LAMC2: variants seen among roughly 807,000 people sequenced by gnomAD.
LAMC2 encodes the protein laminin subunit gamma-2.
In LAMC2, 97 loss-of-function variants were observed where a neutral mutation model predicts 140.2. The ratio of observed to expected loss-of-function variants is 0.69; its 90% CI spans 0.59 to 0.82. The LOEUF (loss-of-function observed/expected upper bound fraction) is 0.82. LAMC2 is among the 40% of genes least tolerant of loss of function. LAMC2 has a pLI of 0.00. For missense variants in LAMC2, 1,402 were observed against 1,476.1 expected, an observed-to-expected ratio of 0.95 and a Z score of 0.82; for synonymous variants, 513 against 540.2, an observed-to-expected ratio of 0.95 and a Z score of 0.70.
intron 2 of LAMC2, among the ~76,000 whole-genome samples, chr1:183,209,675 G>T (rs1227031046): frequency 2.0e-5 from 3 of 152,228 alleles, no homozygotes; most frequent in East Asian, 1.9e-4. Flanking sequence ...AGTCACCAGA[G>T]TTGGGTCATC....
chr1:183,198,334 A>G (rs942104638), intron 1 of LAMC2, among the ~76,000 whole-genome samples: 11 of 151,924 alleles, frequency 7.2e-5, no homozygotes, highest in Admixed American at 3.3e-4. Context: ...TAGTAGAGAC[A>G]GGGTTTCACC....
Position 183,243,292 on chromosome 1 carries a change from G to T in LAMC2, c.3474G>T (p.Leu1158Phe). 6.2e-7 allele frequency: 1 copy of T among 1,614,210 alleles called. No homozygotes were observed. The highest frequency in any genetic ancestry group is 8.5e-7 in the Non-Finnish European group (1 of 1,180,042). Residue 1158 changes from leucine to phenylalanine, a missense_variant, in exon 23 of 23, where the codon TTG becomes TTT. Physicochemically the swap from Leu to Phe is conservative, Grantham distance 22 (BLOSUM62 0). Transcript: ENST00000264144. ...GTCAGCAGAGGGGCCACCTCCATTT[G>T]CTGGAGACAAGCATAGATGGGATTC... ...RARQQRGHLH[L>F]LETSIDGILA... is the part of the protein sequence containing the mutation.
chr1:183,243,803 C>T lies in LAMC2; in HGVS notation c.*403C>T. On this transcript the variant is annotated 3_prime_UTR_variant, in exon 23 of 23. Coordinates refer to ENST00000264144, the MANE Select transcript of LAMC2 (RefSeq NM_005562.3). The stretch of plus-strand genomic sequence containing the variant: ...ACTAAAGGAAAAAACTTTGACTTTG[C>T]CCAGGCATGAAATTCTTCCTAATGT... 1 of 281,252 alleles carries T rather than the reference C, an allele frequency of 3.6e-6. No homozygotes were observed. Among genetic ancestry groups the T allele is most frequent in the South Asian group, 4.0e-5 (1 of 25,194 alleles). The allele number at this position is 281,252 out of a possible 1,614,324, so 17.4% of individuals were successfully genotyped here. A position where few individuals can be genotyped will look rare whatever the true frequency, so the allele number is the denominator to read the frequency against.
At chr1:183,226,961 G>A in intron 9 of LAMC2, 45 bp downstream of exon 9, 1 of 1,440,280 alleles carries the variant, frequency 6.9e-7, no homozygotes, top group Non-Finnish European at 9.8e-7. Context: ...GTGTCATGTG[G>A]AAGAGAGAGA....
the LAMC2 span, among the ~76,000 whole-genome samples, chr1:183,258,114 C>T: frequency 2.0e-5 from 3 of 152,146 alleles, no homozygotes; most frequent in Admixed American, 2.0e-4. Context: ...TACAGGAGCC[C>T]ATGGAGGAGA....
chr1:183,222,354 G>C, intron 6 of LAMC2, 143 bp downstream of exon 6: 2 of 848,078 alleles, frequency 2.4e-6, no homozygotes, highest in Non-Finnish European at 4.0e-6. Flanking sequence ...CCCCAGAAGA[G>C]AGATGGGGGC....
At chr1:183,253,295 AATATT>A in the LAMC2 span, among the ~76,000 whole-genome samples, 145 of 147,840 alleles carry the variant, frequency 9.8e-4, 1 homozygote, top group South Asian at 3.8e-3. Context: ...TAATAGTGTT[AATATT>A]ATATTATATT....
intron 1 of LAMC2, 81 bp downstream of exon 1, chr1:183,186,512 A>G: frequency 6.8e-7 from 1 of 1,466,262 alleles, no homozygotes; most frequent in Non-Finnish European, 9.3e-7. Context: ...GGCTGAACGT[A>G]CCTCCGAGGA....
At chr1:183,217,033 C>T (rs577502328) in intron 3 of LAMC2, among the ~76,000 whole-genome samples, 7 of 152,098 alleles carry the variant, frequency 4.6e-5, no homozygotes, top group African/African-American at 1.4e-4. Context: ...GGAAGGAGGC[C>T]GTGAGAATTC....
chr1:183,227,733 C>T (rs778633834), intron 10 of LAMC2, 36 bp downstream of exon 10: 6 of 1,594,490 alleles, frequency 3.8e-6, no homozygotes, highest in East Asian at 4.5e-5. Context: ...CCTGCCTCTT[C>T]CTGTCCTGAT....
At position 183,220,820 on chromosome 1, in the gene LAMC2, T is replaced by A. The variant is rs1659444109; in HGVS notation, c.504-5T>A. 1 of 1,613,774 alleles carries A rather than the reference T, an allele frequency of 6.2e-7. No homozygotes were observed. The highest frequency in any genetic ancestry group is 8.5e-7 in the Non-Finnish European group (1 of 1,179,608). On this transcript the variant is annotated splice_region_variant and splice_polypyrimidine_tract_variant and intron_variant, in intron 4 of 22. Transcript: ENST00000264144. ...AATATCCTGATTTCTACAATGCCAC[T>A]GCAGGTGTCGATCAGGTTACTATAA...
At position 183,235,656 on chromosome 1, in the gene LAMC2, C is replaced by G. The variant is rs368090380; in HGVS notation, c.2382C>G (p.Arg794=). Residue 794 remains arginine, a synonymous_variant, in exon 16 of 23, where the codon CGC becomes CGG. Coordinates refer to ENST00000264144, the MANE Select transcript of LAMC2 (RefSeq NM_005562.3). ...CCAAACAAGCCCTCTCACTGGTGCG[C>G]AAGGCCCTGCATGAAGGAGTCGGAA... ...DYSKQALSLV[R]KALHEGVGSG... The G allele has an allele frequency of 6.2e-7, 1 of 1,614,106 alleles. No individual in the cohort carries two copies. Among genetic ancestry groups the G allele is most frequent in the African/African-American group, 1.3e-5 (1 of 74,934 alleles).
At chr1:183,189,590 G>A (rs1658261636) in intron 1 of LAMC2, among the ~76,000 whole-genome samples, 1 of 152,144 alleles carries the variant, frequency 6.6e-6, no homozygotes, top group South Asian at 2.1e-4. Flanking sequence ...GAGGTAGAAA[G>A]CAAAGCCTTG....
chr1:183,229,008 G>A (rs1344735537), intron 11 of LAMC2, among the ~76,000 whole-genome samples: 1 of 152,196 alleles, frequency 6.6e-6, no homozygotes, highest in African/African-American at 2.4e-5. Flanking sequence ...AAACTCAAGT[G>A]GGAAGGGGAG....
rs1322281994 is a variant in LAMC2 at position 183,243,342 on chromosome 1, A to C, written c.3524A>C (p.Asn1175Thr). 7.4e-6 allele frequency: 12 copies of C among 1,614,088 alleles called. No individual in the cohort carries two copies. Among genetic ancestry groups the C allele is most frequent in the Non-Finnish European group, 1.0e-5 (12 of 1,180,044 alleles). ...GILADVKNLE[N>T]IRDNLPPGCY... ...CTGGCTGATGTGAAGAACTTGGAGA[A>C]CATTAGGGACAACCTGCCCCCAGGC... Residue 1175 changes from asparagine to threonine, a missense_variant, in exon 23 of 23, where the codon AAC becomes ACC. Physicochemically the swap from Asn to Thr is moderately conservative, Grantham distance 65. Transcript: ENST00000264144.
At chr1:183,201,794 G>T (rs1658714893) in intron 1 of LAMC2, among the ~76,000 whole-genome samples, 1 of 152,100 alleles carries the variant, frequency 6.6e-6, no homozygotes, top group African/African-American at 2.4e-5. Context: ...AAAGCTCTAA[G>T]GTGAATTTTG....
intron 1 of LAMC2, among the ~76,000 whole-genome samples, chr1:183,194,228 A>G (rs1236756812): frequency 6.7e-6 from 1 of 150,142 alleles, no homozygotes; most frequent in African/African-American, 2.5e-5. Context: ...CCAGCAATAC[A>G]GTTTTAATTC....
intron 12 of LAMC2, 125 bp from the exon 13 acceptor site, chr1:183,232,046 CTCCAGGGTCTAAAATT>C: frequency 1.0e-6 from 1 of 984,762 alleles, no homozygotes; most frequent in Admixed American, 1.8e-5. Flanking sequence ...ACTCTCTAGG[CTCCAGGGTCTAAAATT>C]TTAACCACCA....
In LAMC2 at chr1:183,239,270, C is replaced by A. The variant is rs1286125463; in HGVS notation, c.2870-94C>A. The A allele has an allele frequency of 3.5e-6, 4 of 1,144,334 alleles. No homozygotes were observed. The East Asian group carries it at 9.4e-5, about 27-fold the overall frequency. The allele number at this position is 1,144,334 out of a possible 1,614,324, so 70.9% of individuals were successfully genotyped here. A position where few individuals can be genotyped will look rare whatever the true frequency, so the allele number is the denominator to read the frequency against. On this transcript the variant is annotated intron_variant, in intron 19 of 22. Transcript: ENST00000264144. Reference sequence around the variant, plus strand: ...GTCATCCCCAGTCAGTAATAACACTCTTTCAGGAATTTTTCTTTACAACAT... The same window carrying A: ...GTCATCCCCAGTCAGTAATAACACTATTTCAGGAATTTTTCTTTACAACAT...
Sources: gnomAD v4.1 joint callset for allele counts (sites outside exome capture counted in the v4.1 genomes callset) on GRCh38, gnomAD v4.1.1 for gene constraint, MANE v1.5 for transcripts, NCBI Gene and HGNC (gene_info 2026-07-23, HGNC 2026-07-21) for gene names.